The following PACRG variants were observed in gnomAD, a reference collection of about 807,000 sequenced individuals.
The protein encoded by PACRG is parkin coregulated gene protein.
Under a neutral mutation model 29.7 loss-of-function variants are expected in PACRG, and 29 were observed. The observed-to-expected ratio is 0.98, with a 90% CI of 0.73 to 1.33. The LOEUF (loss-of-function observed/expected upper bound fraction) is 1.33, where lower values mean the gene tolerates loss of function less well. Among genes scored for constraint, PACRG ranks in the 40% most tolerant of loss-of-function variants. The probability of loss-of-function intolerance (pLI) is 0.00; values close to 1 mark genes in which losing one functional copy is unlikely to be tolerated. For synonymous variants in PACRG, 116 were observed against 118.7 expected, an observed-to-expected ratio of 0.98 and a Z score of 0.15; for missense variants, 279 against 316.2, an observed-to-expected ratio of 0.88 and a Z score of 0.89.
chr6:163,074,614 A>C (rs991636979), intron 3 of PACRG, among the ~76,000 whole-genome samples: 1 of 149,412 alleles, frequency 6.7e-6, no homozygotes, highest in African/African-American at 2.5e-5. Context: ...TACCTCATTT[A>C]CCCTGATGCG....
At chr6:162,781,301 A>C (rs1272669702) in intron 1 of PACRG, among the ~76,000 whole-genome samples, 1 of 151,954 alleles carries the variant, frequency 6.6e-6, no homozygotes, top group Non-Finnish European at 1.5e-5. Flanking sequence ...AATCAAGGTG[A>C]AATAACAAGT....
chr6:162,743,542 T>G (rs1780759211), intron 1 of PACRG, among the ~76,000 whole-genome samples: 1 of 152,184 alleles, frequency 6.6e-6, no homozygotes, highest in Non-Finnish European at 1.5e-5. Flanking sequence ...TATGCTTTGG[T>G]TTTCTTTGTA....
At position 162,814,278 on chromosome 6, in the gene PACRG, G is replaced by A; in HGVS notation, c.288G>A (p.Trp96Ter). ...EHDSKGNKIA[W>*]KVEIEKLDYH... ...ATTCGAAAGGAAACAAAATCGCCTG[G>A]AAGGTAAGTCAGGGCACAGCTGTGC... The change falls in exon 2 of 5, where the codon TGG becomes TGA. Residue 96 changes from tryptophan (W) to a stop codon, truncating the protein, a stop_gained. Transcript: ENST00000366888. LOFTEE classifies it high-confidence loss of function. 1 of 1,613,656 alleles carries A rather than the reference G, an allele frequency of 6.2e-7. No homozygotes were observed. The highest frequency in any genetic ancestry group is 8.5e-7 in the Non-Finnish European group (1 of 1,179,670).
chr6:163,157,742 C>T (rs1476113408), intron 4 of PACRG, among the ~76,000 whole-genome samples: 2 of 152,216 alleles, frequency 1.3e-5, no homozygotes, highest in East Asian at 1.9e-4. Flanking sequence ...TAAACGAAGC[C>T]ACAAGCACTC....
At chr6:163,110,858 T>C (rs1005630576) in intron 4 of PACRG, among the ~76,000 whole-genome samples, 1 of 152,226 alleles carries the variant, frequency 6.6e-6, no homozygotes, top group African/African-American at 2.4e-5. Context: ...CAGTTACTGC[T>C]GTCTTCATAG....
At chr6:162,888,771 C>T (rs1794547618) in intron 2 of PACRG, among the ~76,000 whole-genome samples, 1 of 152,162 alleles carries the variant, frequency 6.6e-6, no homozygotes, top group South Asian at 2.1e-4. Flanking sequence ...CAACCTTCCT[C>T]TTTGGAAAAC....
chr6:162,829,404 A>T (rs1016712447), intron 2 of PACRG, among the ~76,000 whole-genome samples: 2 of 152,270 alleles, frequency 1.3e-5, no homozygotes, highest in Non-Finnish European at 2.9e-5. Flanking sequence ...AAAAGAGATG[A>T]AACTGAGTAT....
At chr6:163,290,410 C>T (rs1246400593) in intron 4 of PACRG, among the ~76,000 whole-genome samples, 2 of 151,918 alleles carry the variant, frequency 1.3e-5, no homozygotes, top group African/African-American at 4.8e-5. Context: ...GGACCAAAAA[C>T]GTTGACCAGA....
chr6:162,916,286 G>A (rs1796690869), intron 2 of PACRG, among the ~76,000 whole-genome samples: 1 of 152,036 alleles, frequency 6.6e-6, no homozygotes, highest in African/African-American at 2.4e-5. Context: ...TGGATGTAAG[G>A]TATTTTTTCC....
At chr6:162,765,582 G>A (rs575293579) in intron 1 of PACRG, among the ~76,000 whole-genome samples, 7 of 152,230 alleles carry the variant, frequency 4.6e-5, no homozygotes, top group Admixed American at 1.3e-4. Context: ...TACCATTATC[G>A]TAAGTGATGG....
intron 2 of PACRG, among the ~76,000 whole-genome samples, chr6:162,948,893 G>A (rs1306520849): frequency 2.0e-5 from 3 of 151,936 alleles, no homozygotes; most frequent in Non-Finnish European, 4.4e-5. Context: ...ATAAATGCCG[G>A]TGAGCATGTG....
chr6:162,847,814 G>T (rs1283456463), intron 2 of PACRG, among the ~76,000 whole-genome samples: 1 of 152,056 alleles, frequency 6.6e-6, no homozygotes, highest in East Asian at 1.9e-4. Flanking sequence ...GAGGATAGAA[G>T]TGGAAAGAAA....
At chr6:163,023,307 T>C (rs58655180) in intron 2 of PACRG, among the ~76,000 whole-genome samples, 25,230 of 152,204 alleles carry the variant, frequency 0.17, 2,353 homozygotes, top group East Asian at 0.26. Flanking sequence ...CTCCCACTTA[T>C]CAGTGAGAAC....
chr6:163,012,415 T>C (rs1442520489), intron 2 of PACRG, among the ~76,000 whole-genome samples: 1 of 152,134 alleles, frequency 6.6e-6, no homozygotes, highest in African/African-American at 2.4e-5. Context: ...GATCAGCAAA[T>C]AACAAGGAAC....
chr6:163,178,042 A>G (rs1779471209), intron 4 of PACRG, among the ~76,000 whole-genome samples: 1 of 152,136 alleles, frequency 6.6e-6, no homozygotes, highest in Non-Finnish European at 1.5e-5. Context: ...TGTTCCCACT[A>G]CCAAGCTTCC....
chr6:163,225,762 A>G (rs1031041016), intron 4 of PACRG, among the ~76,000 whole-genome samples: 1 of 152,214 alleles, frequency 6.6e-6, no homozygotes, highest in Non-Finnish European at 1.5e-5. Context: ...CTGCACTTTC[A>G]TTTTCATTGC....
At chr6:162,907,998 A>G (rs1349204971) in intron 2 of PACRG, among the ~76,000 whole-genome samples, 1 of 152,182 alleles carries the variant, frequency 6.6e-6, no homozygotes, top group Non-Finnish European at 1.5e-5. Flanking sequence ...ACAAAAGGAC[A>G]ACCAAGTGAC....
At chr6:162,749,482 A>G (rs1048670027) in intron 1 of PACRG, among the ~76,000 whole-genome samples, 1 of 152,298 alleles carries the variant, frequency 6.6e-6, no homozygotes, top group Middle Eastern at 3.4e-3. Context: ...TATTACATGA[A>G]GATCATTCTC....
At chr6:162,906,562 C>T (rs1189835754) in intron 2 of PACRG, among the ~76,000 whole-genome samples, 3 of 152,204 alleles carry the variant, frequency 2.0e-5, no homozygotes, top group Admixed American at 1.3e-4. Context: ...GTGATCACGA[C>T]AGGCATAGAT....
Sources: allele counts gnomAD v4.1 joint callset (sites outside exome capture counted in the v4.1 genomes callset), GRCh38; gene constraint gnomAD v4.1.1; transcripts MANE v1.5; gene names NCBI Gene and HGNC (gene_info 2026-07-23, HGNC 2026-07-21).